The following USP13 variants were observed in gnomAD, a reference collection of about 807,000 sequenced individuals.
The protein encoded by USP13 is ubiquitin carboxyl-terminal hydrolase 13.
Under a neutral mutation model 107.8 loss-of-function variants are expected in USP13, and 68 were observed. The observed-to-expected ratio is 0.63, with a 90% CI of 0.52 to 0.77. The LOEUF is 0.77. Ranked by LOEUF, USP13 falls within the 30% of genes least tolerant of loss-of-function variation. The probability of loss-of-function intolerance (pLI) is 0.00; values close to 1 mark genes in which losing one functional copy is unlikely to be tolerated. For synonymous variants in USP13, 377 were observed against 389.5 expected, an observed-to-expected ratio of 0.97 and a Z score of 0.38; for missense variants, 945 against 1,093.3, an observed-to-expected ratio of 0.86 and a Z score of 1.91.
At chr3:179,654,284 C>T (rs926972722) in intron 1 of USP13, among the ~76,000 whole-genome samples, 5 of 151,156 alleles carry the variant, frequency 3.3e-5, no homozygotes, top group Non-Finnish European at 5.9e-5. Context: ...AATAGGGGAT[C>T]TACTGGATTG....
chr3:179,763,995 T>C lies in USP13; in HGVS notation c.2093-7T>C. 2 of 1,593,954 alleles carry C rather than the reference T, an allele frequency of 1.3e-6. No individual in the cohort carries two copies. Among genetic ancestry groups the C allele is most frequent in the Non-Finnish European group, 1.7e-6 (2 of 1,174,504 alleles). ...GGAAAAGACTTGGGTGTGGTTATTT[T>C]TCTCAGATTTTGCTGAGCCGCTGAC... is the stretch of plus-strand genomic sequence containing the variant. On this transcript the variant is annotated splice_polypyrimidine_tract_variant and splice_region_variant and intron_variant, in intron 17 of 20. Transcript: ENST00000263966.
rs1260425029 is a variant in USP13, at chr3:179,786,592, T to A, written c.*2451T>A. 2 of 154,980 alleles carry A rather than the reference T, an allele frequency of 1.3e-5. No homozygotes were observed. The highest frequency in any genetic ancestry group is 1.9e-4 in the East Asian group (1 of 5,346). 9.6% of individuals were successfully genotyped at this position (154,980 alleles called of 1,614,324 possible). A position where few individuals can be genotyped will look rare whatever the true frequency, so the allele number is the denominator to read the frequency against. On this transcript the variant is annotated 3_prime_UTR_variant, in exon 21 of 21. Transcript: ENST00000263966. ...GCTATTCTTTACTTCAGATTGAGAG[T>A]TGGGAAAAACTGGAGTAAATAATGG...
At chr3:179,707,521 C>T (rs1209486727) in intron 5 of USP13, among the ~76,000 whole-genome samples, 2 of 152,194 alleles carry the variant, frequency 1.3e-5, no homozygotes, top group African/African-American at 2.4e-5. Flanking sequence ...GAGCCCCAGT[C>T]GCCCACAGTG....
chr3:179,668,174 A>AT (rs777372898), intron 1 of USP13, among the ~76,000 whole-genome samples: 30 of 151,772 alleles, frequency 2.0e-4, no homozygotes, highest in Non-Finnish European at 4.0e-4. Flanking sequence ...ATTTATTTAT[A>AT]TTTTTTTTAG....
In USP13 at chr3:179,721,121, C is replaced by T. The variant is rs1279729106; in HGVS notation, c.901-281C>T. On this transcript the variant is annotated intron_variant, in intron 7 of 20. Coordinates refer to ENST00000263966, the MANE Select transcript of USP13 (RefSeq NM_003940.3). This position sits in a 1 kb window ranked among gnomAD's most constrained non-coding sequence, Gnocchi z 4.3. Reference sequence around the variant, plus strand: ...GCTGCGCCCGGCCTCTCTTTAAAATCTTTTTCATGTGTGTTTTAAAAATTG... The same window carrying T: ...GCTGCGCCCGGCCTCTCTTTAAAATTTTTTTCATGTGTGTTTTAAAAATTG... Among the ~76,000 whole-genome samples the T allele has an allele frequency of 6.6e-6, 1 of 152,028 alleles. No individual in the cohort carries two copies. The highest frequency in any genetic ancestry group is 1.5e-5 in the Non-Finnish European group (1 of 67,990).
intron 4 of USP13, among the ~76,000 whole-genome samples, chr3:179,705,958 A>G (rs1195549051): frequency 6.6e-6 from 1 of 152,106 alleles, no homozygotes; most frequent in African/African-American, 2.4e-5. Context: ...CCTGACCTCA[A>G]GTGATCTGCT....
At chr3:179,757,834 G>T (rs890341064) in intron 16 of USP13, among the ~76,000 whole-genome samples, 1 of 152,134 alleles carries the variant, frequency 6.6e-6, no homozygotes, top group Non-Finnish European at 1.5e-5. Context: ...ATTGTTAGAG[G>T]AGTAATTAGA....
chr3:179,716,328 T>C (rs1364858711), intron 6 of USP13, among the ~76,000 whole-genome samples: 2 of 152,192 alleles, frequency 1.3e-5, no homozygotes, highest in Admixed American at 6.5e-5. Context: ...CTTCTGCCAT[T>C]TTCTGGGGCC....
chr3:179,758,189 G>T (rs1485296938), intron 16 of USP13, among the ~76,000 whole-genome samples: 1 of 152,034 alleles, frequency 6.6e-6, no homozygotes, highest in Non-Finnish European at 1.5e-5. Context: ...GAAGACCTGG[G>T]ACCAGAACTA....
At chr3:179,690,701 T>G (rs534782679) in intron 3 of USP13, among the ~76,000 whole-genome samples, 2 of 152,284 alleles carry the variant, frequency 1.3e-5, no homozygotes, top group African/African-American at 2.4e-5. Flanking sequence ...GCCTCCCAAG[T>G]AGCTGAGACC....
intron 8 of USP13, among the ~76,000 whole-genome samples, chr3:179,729,751 T>G (rs1713730744): frequency 2.0e-5 from 3 of 152,116 alleles, no homozygotes; most frequent in African/African-American, 4.8e-5. Context: ...GGATTACAGG[T>G]ATGAGCCACA....
intron 1 of USP13, among the ~76,000 whole-genome samples, chr3:179,660,205 G>T (rs894906823): frequency 5.9e-5 from 9 of 152,168 alleles, no homozygotes; most frequent in Non-Finnish European, 8.8e-5. Context: ...ATTGTTGTGT[G>T]AATATCACTA....
At position 179,690,292 on chromosome 3, in the gene USP13, AT is replaced by A; in HGVS notation, c.353del (p.Leu118Ter). The A allele has an allele frequency of 6.2e-7, 1 of 1,613,766 alleles. No homozygotes were observed. Among genetic ancestry groups the A allele is most frequent in the Non-Finnish European group, 8.5e-7 (1 of 1,179,856 alleles). On this transcript the variant is annotated frameshift_variant, in exon 3 of 21. Coordinates refer to ENST00000263966, the MANE Select transcript of USP13 (RefSeq NM_003940.3). LOFTEE classifies it high-confidence loss of function. ...GTTACCAAAAAGGAGGAATTCCAAG[AT>A]TTTTTTAGGTAAATAGTTATCAGTA... ...GALPKRRNSK[I>X]FLDLDTDDDL...
chr3:179,772,773 G>C (rs1321796345), intron 19 of USP13, among the ~76,000 whole-genome samples: 2 of 152,242 alleles, frequency 1.3e-5, no homozygotes, highest in Admixed American at 1.3e-4. Context: ...GGAAGTGTTT[G>C]CCTTTCGGAG....
intron 3 of USP13, among the ~76,000 whole-genome samples, chr3:179,694,816 A>AAAAAG (rs1553790000): frequency 2.0e-5 from 3 of 151,292 alleles, no homozygotes; most frequent in Admixed American, 6.6e-5. Flanking sequence ...AAAAAAAAAA[A>AAAAAG]AAAAAAAGAA....
intron 1 of USP13, among the ~76,000 whole-genome samples, chr3:179,676,044 T>G (rs1720883934): frequency 6.6e-6 from 1 of 152,200 alleles, no homozygotes; most frequent in South Asian, 2.1e-4. Flanking sequence ...ACCCCCATCC[T>G]GTTCTCGTGA....
intron 1 of USP13, among the ~76,000 whole-genome samples, chr3:179,674,759 C>T (rs1450122835): frequency 6.6e-6 from 1 of 152,012 alleles, no homozygotes; most frequent in Non-Finnish European, 1.5e-5. Context: ...TCTGTGGCTT[C>T]AGGCTGTGCA....
intron 16 of USP13, among the ~76,000 whole-genome samples, 183 bp from the exon 17 acceptor site, chr3:179,760,929 T>C (rs1031744203): frequency 1.3e-5 from 2 of 152,188 alleles, no homozygotes; most frequent in African/African-American, 2.4e-5. Context: ...AGATATAAAC[T>C]TAGCCCAAAT....
rs781531806 is a variant in USP13, at chr3:179,763,984, T to C, written c.2093-18T>C. The stretch of plus-strand genomic sequence containing the variant: ...AAAAAAAAAAAGGAAAAGACTTGGG[T>C]GTGGTTATTTTTCTCAGATTTTGCT... On this transcript the variant is annotated intron_variant, in intron 17 of 20. Transcript: ENST00000263966. 3 of 1,384,810 alleles carry C rather than the reference T, an allele frequency of 2.2e-6. No homozygotes were observed. In the African/African-American group the frequency reaches 4.9e-5, roughly 22 times the overall value. 85.8% of individuals were successfully genotyped at this position (1,384,810 alleles called of 1,614,324 possible).
Sources: gnomAD v4.1 joint callset for allele counts (sites outside exome capture counted in the v4.1 genomes callset) on GRCh38, gnomAD v4.1.1 for gene constraint, Gnocchi (gnomAD v3.1) non-coding constraint, MANE v1.5 for transcripts, NCBI Gene and HGNC (gene_info 2026-07-23, HGNC 2026-07-21) for gene names.